Variants in GRID1 observed in about 807,000 individuals in gnomAD.
GRID1 encodes glutamate receptor ionotropic, delta-1.
In GRID1, 28 loss-of-function variants were observed where a neutral mutation model predicts 98.0. The ratio of observed to expected loss-of-function variants is 0.29; its 90% CI spans 0.21 to 0.39. GRID1 has a LOEUF of 0.39. Ranked by LOEUF, GRID1 falls within the 10% of genes least tolerant of loss-of-function variation. The probability of loss-of-function intolerance (pLI) is 1.00; values close to 1 mark genes in which losing one functional copy is unlikely to be tolerated. For missense variants in GRID1, 1,111 were observed against 1,340.5 expected (o/e 0.83, Z 2.67); for synonymous variants, 553 against 538.5 (o/e 1.03, Z -0.37).
intron 4 of GRID1, among the ~76,000 whole-genome samples, chr10:85,952,024 C>T (rs891900703): frequency 1.3e-5 from 2 of 152,220 alleles, no homozygotes; most frequent in Non-Finnish European, 2.9e-5. Flanking sequence ...CATGTCAGGC[C>T]CTGCTTCTAA....
Position 86,289,820 on chromosome 10 carries a change from A to G in GRID1, c.235+74121T>C, listed in dbSNP as rs115565388. Among the ~76,000 whole-genome samples, 655 of 152,240 alleles carry G rather than the reference A, an allele frequency of 4.3e-3. 5 individuals are homozygous for G. The highest frequency in any genetic ancestry group is 0.015 in the African/African-American group (623 of 41,552). On this transcript the variant is annotated intron_variant, in intron 2 of 15. Transcript: ENST00000327946. Reference sequence around the variant, plus strand: ...GCCACCCCAGCTGGGCCAATACTATATCCTTAAAGCCTTTGCCTGAGCTTT... The same window carrying G: ...GCCACCCCAGCTGGGCCAATACTATGTCCTTAAAGCCTTTGCCTGAGCTTT...
intron 8 of GRID1, among the ~76,000 whole-genome samples, chr10:85,808,272 C>T (rs189275555): frequency 2.6e-4 from 40 of 152,110 alleles, no homozygotes; most frequent in African/African-American, 8.9e-4. Context: ...AACACAAGCA[C>T]GGAATGAGAG....
intron 4 of GRID1, among the ~76,000 whole-genome samples, chr10:85,969,090 C>A (rs1198610302): frequency 1.3e-5 from 2 of 152,020 alleles, no homozygotes; most frequent in African/African-American, 4.8e-5. Flanking sequence ...TGCTATTGAA[C>A]ACAAAAGGAA....
chr10:86,020,970 C>A (rs1564651935), intron 4 of GRID1, among the ~76,000 whole-genome samples: 2 of 152,022 alleles, frequency 1.3e-5, no homozygotes, highest in African/African-American at 2.4e-5. Flanking sequence ...TATTAGCAGC[C>A]CCCCAGAACT....
chr10:85,752,310 C>A (rs973129432), intron 8 of GRID1, among the ~76,000 whole-genome samples: 8 of 152,270 alleles, frequency 5.3e-5, no homozygotes, highest in South Asian at 4.1e-4. Flanking sequence ...GACTGACTAC[C>A]TTTGTGATGT....
intron 6 of GRID1, among the ~76,000 whole-genome samples, chr10:85,860,625 C>T (rs1843155583): frequency 1.3e-5 from 2 of 152,218 alleles, no homozygotes; most frequent in African/African-American, 4.8e-5. Flanking sequence ...CAGTACGACT[C>T]TCACACTAGG....
chr10:86,070,682 C>A (rs1356385353), intron 4 of GRID1, among the ~76,000 whole-genome samples: 1 of 152,212 alleles, frequency 6.6e-6, no homozygotes, highest in Non-Finnish European at 1.5e-5. Flanking sequence ...TTCTTCCTGG[C>A]CCCTCATCCA....
intron 4 of GRID1, among the ~76,000 whole-genome samples, chr10:86,104,873 C>T (rs868701354): frequency 2.6e-5 from 4 of 152,166 alleles, no homozygotes; most frequent in East Asian, 1.9e-4. Flanking sequence ...CTAGGGTGTG[C>T]GACAGCGGAC....
At chr10:85,767,163 T>C (rs1157403347) in intron 8 of GRID1, among the ~76,000 whole-genome samples, 1 of 152,228 alleles carries the variant, frequency 6.6e-6, no homozygotes, top group East Asian at 1.9e-4. Flanking sequence ...CAGCTATTTG[T>C]CTTATGAAAG....
chr10:85,988,735 A>T (rs1330520912), intron 4 of GRID1, among the ~76,000 whole-genome samples: 2 of 152,144 alleles, frequency 1.3e-5, no homozygotes, highest in African/African-American at 4.8e-5. Flanking sequence ...ATCTGTAGGG[A>T]CTTCACAACC....
intron 3 of GRID1, among the ~76,000 whole-genome samples, chr10:86,196,247 G>A (rs905051273): frequency 1.4e-4 from 22 of 152,090 alleles, no homozygotes; most frequent in African/African-American, 4.6e-4. Context: ...ACTGCTTCCC[G>A]GGACAGAGTT....
At chr10:86,343,827 G>C (rs1011830408) in intron 2 of GRID1, among the ~76,000 whole-genome samples, 2 of 152,256 alleles carry the variant, frequency 1.3e-5, no homozygotes, top group African/African-American at 2.4e-5. Context: ...CAGGGACCCC[G>C]CCTTGTGCAG....
intron 4 of GRID1, among the ~76,000 whole-genome samples, chr10:85,979,717 A>G (rs1486019646): frequency 1.3e-5 from 2 of 152,234 alleles, no homozygotes; most frequent in Non-Finnish European, 2.9e-5. Flanking sequence ...ATTCCAGCTT[A>G]TCTTTTTGGG....
chr10:85,945,354 A>AT (rs543708969), intron 4 of GRID1, among the ~76,000 whole-genome samples: 1 of 152,088 alleles, frequency 6.6e-6, no homozygotes, highest in Non-Finnish European at 1.5e-5. Flanking sequence ...AAATGCTTTA[A>AT]TTTTTTTTAA....
At chr10:85,844,422 C>A (rs1382320159) in intron 8 of GRID1, among the ~76,000 whole-genome samples, 1 of 8,602 alleles carries the variant, frequency 1.2e-4, no homozygotes, top group East Asian at 1.7e-3. Context: ...CAACTAAATA[C>A]ACACACACAC....
chr10:86,128,492 TC>T (rs1844787164), intron 4 of GRID1, among the ~76,000 whole-genome samples: 1 of 152,084 alleles, frequency 6.6e-6, no homozygotes, highest in South Asian at 2.1e-4. Flanking sequence ...TACATTGCTT[TC>T]CCCCTGACAC....
intron 7 of GRID1, among the ~76,000 whole-genome samples, chr10:85,855,662 C>T (rs905448498): frequency 2.0e-5 from 3 of 152,232 alleles, no homozygotes; most frequent in African/African-American, 7.2e-5. Context: ...AGATACATCA[C>T]AAGCGCACAT....
intron 8 of GRID1, among the ~76,000 whole-genome samples, chr10:85,853,795 G>A (rs910001608): frequency 9.2e-5 from 14 of 152,118 alleles, no homozygotes; most frequent in Admixed American, 6.5e-4. Context: ...GACTCTTTGT[G>A]TCATGAGTCC....
At chr10:85,819,872 C>G (rs1252351581) in intron 8 of GRID1, among the ~76,000 whole-genome samples, 1 of 151,350 alleles carries the variant, frequency 6.6e-6, no homozygotes, top group Non-Finnish European at 1.5e-5. Context: ...CAAGATCACA[C>G]CATTGCACTC....
Sources: allele counts gnomAD v4.1 joint callset (sites outside exome capture counted in the v4.1 genomes callset), GRCh38; gene constraint gnomAD v4.1.1; transcripts MANE v1.5; gene names NCBI Gene and HGNC (gene_info 2026-07-23, HGNC 2026-07-21).